The following NRXN1 variants were observed in gnomAD, a reference collection of about 807,000 sequenced individuals.
The protein encoded by NRXN1 is neurexin 1.
In NRXN1, 39 loss-of-function variants were observed where a neutral mutation model predicts 150.9. That is an observed-to-expected ratio of 0.26 (90% CI 0.20 to 0.34). The LOEUF (loss-of-function observed/expected upper bound fraction) is 0.34. Among genes scored for constraint, NRXN1 ranks in the 10% least tolerant of loss-of-function variants. NRXN1 has a pLI of 1.00. For missense variants in NRXN1, 1,815 were observed against 1,949.9 expected, an observed-to-expected ratio of 0.93 and a Z score of 1.30; for synonymous variants, 924 against 757.0, an observed-to-expected ratio of 1.22 and a Z score of -3.62.
intron 5 of NRXN1, among the ~76,000 whole-genome samples, chr2:50,879,686 T>C (rs1050893571): frequency 6.6e-6 from 1 of 151,898 alleles, no homozygotes; most frequent in African/African-American, 2.4e-5. Context: ...GCCTGTGGTC[T>C]AGTCTGTGAA....
intron 21 of NRXN1, among the ~76,000 whole-genome samples, chr2:49,968,791 A>T (rs752951757): frequency 1.6e-4 from 25 of 152,094 alleles, no homozygotes; most frequent in Admixed American, 7.9e-4. Flanking sequence ...GAGCAAATAT[A>T]TATTAAGTAA....
intron 21 of NRXN1, among the ~76,000 whole-genome samples, chr2:50,036,905 G>C (rs969608233): frequency 7.2e-5 from 11 of 152,248 alleles, no homozygotes; most frequent in South Asian, 2.1e-4. Context: ...AACTAGTCCA[G>C]TTGAGATCAG....
At chr2:50,478,595 G>A (rs1433711052) in intron 15 of NRXN1, among the ~76,000 whole-genome samples, 1 of 152,018 alleles carries the variant, frequency 6.6e-6, no homozygotes, top group Non-Finnish European at 1.5e-5. Flanking sequence ...AGTCTCCCTT[G>A]GTACATAAAA....
intron 18 of NRXN1, among the ~76,000 whole-genome samples, chr2:50,155,902 T>C (rs2058990018): frequency 6.6e-6 from 1 of 151,624 alleles, no homozygotes; most frequent in Admixed American, 6.6e-5. Context: ...CATTTGTAAA[T>C]TTGTACAAAA....
At chr2:50,801,987 C>T (rs1707659733) in intron 5 of NRXN1, among the ~76,000 whole-genome samples, 2 of 152,066 alleles carry the variant, frequency 1.3e-5, no homozygotes, top group African/African-American at 4.8e-5. Context: ...ACCTACCTAC[C>T]ATAAGAATGC....
intron 2 of NRXN1, among the ~76,000 whole-genome samples, chr2:50,988,188 C>T (rs1056486968): frequency 3.3e-5 from 5 of 151,910 alleles, no homozygotes; most frequent in South Asian, 2.1e-4. Context: ...TGAGTCTTGT[C>T]GGCGCTCCTT....
intron 7 of NRXN1, among the ~76,000 whole-genome samples, chr2:50,620,659 G>C (rs1679848811): frequency 6.6e-6 from 1 of 152,148 alleles, no homozygotes; most frequent in African/African-American, 2.4e-5. Context: ...CAATTGTTCA[G>C]CATGCAAGTG....
chr2:50,001,147 A>C (rs1243596737), intron 21 of NRXN1, among the ~76,000 whole-genome samples: 2 of 152,194 alleles, frequency 1.3e-5, no homozygotes, highest in Non-Finnish European at 2.9e-5. Context: ...GTCACAGCCC[A>C]AGAAAGCATG....
intron 5 of NRXN1, among the ~76,000 whole-genome samples, chr2:50,649,701 G>A (rs541441159): frequency 1.0e-3 from 153 of 152,082 alleles, no homozygotes; most frequent in Non-Finnish European, 1.4e-3. Flanking sequence ...AGTGAAATCG[G>A]AGTGAAATGG....
At chr2:50,427,371 A>AC (rs2084580889) in intron 17 of NRXN1, among the ~76,000 whole-genome samples, 3 of 151,984 alleles carry the variant, frequency 2.0e-5, no homozygotes, top group African/African-American at 7.3e-5. Flanking sequence ...GCCAAAAAAA[A>AC]AAAAAAAGCC....
intron 15 of NRXN1, among the ~76,000 whole-genome samples, chr2:50,474,652 T>C (rs1000547324): frequency 1.1e-5 from 1 of 91,748 alleles, no homozygotes; most frequent in Non-Finnish European, 2.0e-5. Context: ...ATGGGAGCTA[T>C]AGAACAATTT....
At chr2:50,040,924 G>C (rs573302013) in intron 21 of NRXN1, among the ~76,000 whole-genome samples, 27 of 151,728 alleles carry the variant, frequency 1.8e-4, no homozygotes, top group African/African-American at 6.5e-4. Flanking sequence ...GTGCAGGTTT[G>C]TTACATATGT....
intron 5 of NRXN1, among the ~76,000 whole-genome samples, chr2:50,802,983 C>T (rs1299234371): frequency 6.6e-6 from 1 of 152,144 alleles, no homozygotes; most frequent in Non-Finnish European, 1.5e-5. Context: ...GATTTTTAGC[C>T]TCTACAACTA....
chr2:50,867,703 C>T (rs1025043678), intron 5 of NRXN1, among the ~76,000 whole-genome samples: 7 of 151,640 alleles, frequency 4.6e-5, no homozygotes, highest in African/African-American at 1.7e-4. Context: ...TCTAATGTCT[C>T]CAGGGTATTT....
Position 50,086,845 on chromosome 2 carries a change from A to AGAAG in NRXN1, c.3718+4477_3718+4478insCTTC, listed in dbSNP as rs1553592596. Among the ~76,000 whole-genome samples, 1,356 of 150,930 alleles carry AGAAG rather than the reference A, an allele frequency of 9.0e-3. 25 individuals are homozygous for AGAAG. The highest frequency in any genetic ancestry group is 0.032 in the African/African-American group (1,285 of 40,468). The stretch of plus-strand genomic sequence containing the variant: ...ATGAGAGAGAGAGAGAGAGAGAGAG[A>AGAAG]GAGAGCGAGCCGAAAATGCGGGCAT... On this transcript the variant is annotated intron_variant, in intron 19 of 22. Transcript: ENST00000401669.
chr2:51,031,323 A>C (rs950293014), intron 1 of NRXN1, among the ~76,000 whole-genome samples: 1 of 152,086 alleles, frequency 6.6e-6, no homozygotes, highest in Non-Finnish European at 1.5e-5. Context: ...TCTAGAATCA[A>C]ATTCATCCCA....
intron 18 of NRXN1, among the ~76,000 whole-genome samples, chr2:50,206,427 A>AT (rs138525869): frequency 0.016 from 2,467 of 152,030 alleles, 65 homozygotes; most frequent in African/African-American, 0.056. Context: ...CTCAGAGGAC[A>AT]TTTTTTTCTT....
chr2:50,664,134 C>T (rs1284770337), intron 5 of NRXN1, among the ~76,000 whole-genome samples: 2 of 151,976 alleles, frequency 1.3e-5, no homozygotes, highest in African/African-American at 2.4e-5. Context: ...ATTAAACAAA[C>T]CAATTATTTA....
At chr2:50,156,590 T>A (rs886242898) in intron 18 of NRXN1, among the ~76,000 whole-genome samples, 1 of 151,776 alleles carries the variant, frequency 6.6e-6, no homozygotes, top group African/African-American at 2.4e-5. Context: ...TAAAATAACA[T>A]TAAGGAGAAA....
Sources: gnomAD v4.1 joint callset for allele counts (sites outside exome capture counted in the v4.1 genomes callset) on GRCh38, gnomAD v4.1.1 for gene constraint, MANE v1.5 for transcripts, NCBI Gene and HGNC (gene_info 2026-07-23, HGNC 2026-07-21) for gene names.